CACNA1B: variants seen among roughly 807,000 people sequenced by gnomAD.
The protein encoded by CACNA1B is calcium voltage-gated channel subunit alpha1 B.
Under a neutral mutation model 247.2 loss-of-function variants are expected in CACNA1B, and 70 were observed. That is an observed-to-expected ratio of 0.28 (90% CI 0.23 to 0.35). The LOEUF (loss-of-function observed/expected upper bound fraction) is 0.35, where lower values mean the gene tolerates loss of function less well. Among genes scored for constraint, CACNA1B ranks in the 10% least tolerant of loss-of-function variants. CACNA1B has a pLI of 1.00. For synonymous variants in CACNA1B, 1,231 were observed against 1,294.4 expected, an observed-to-expected ratio of 0.95 and a Z score of 1.05; for missense variants, 2,367 against 3,197.4, an observed-to-expected ratio of 0.74 and a Z score of 6.26.
intron 10 of CACNA1B, among the ~76,000 whole-genome samples, chr9:137,963,546 G>C (rs915573714): frequency 7.2e-5 from 11 of 152,116 alleles, no homozygotes; most frequent in African/African-American, 2.4e-4. Context: ...ACAGGCATGT[G>C]CCACCACACC....
At chr9:137,886,728 G>A (rs1405771384) in intron 3 of CACNA1B, among the ~76,000 whole-genome samples, 1 of 151,412 alleles carries the variant, frequency 6.6e-6, no homozygotes, top group East Asian at 2.0e-4. Context: ...ACGGATGAGT[G>A]GATGGTGATG....
chr9:137,899,880 C>T lies in CACNA1B; in HGVS notation c.531-13300C>T, dbSNP rs1052358794. On this transcript the variant is annotated intron_variant, in intron 3 of 46. Transcript: ENST00000371372. The surrounding 1 kb of genome is among the most constrained non-coding windows in gnomAD (Gnocchi z 5.0). The stretch of plus-strand genomic sequence containing the variant: ...GGATTTGTGGTCTCCCCTGGCTCAG[C>T]GCAGACCCTCTGAGGGGCTGGTCCA... Among the ~76,000 whole-genome samples, 1 of 152,190 alleles carries T rather than the reference C, an allele frequency of 6.6e-6. No individual in the cohort carries two copies. Among genetic ancestry groups the T allele is most frequent in the African/African-American group, 2.4e-5 (1 of 41,444 alleles).
Position 137,971,422 on chromosome 9 carries a change from CAGAG to C in CACNA1B, c.1376_1379del (p.Glu459AlafsTer20). On this transcript the variant is annotated frameshift_variant, in exon 11 of 47. Transcript: ENST00000371372. LOFTEE classifies it high-confidence loss of function. This position sits in a 1 kb window ranked among gnomAD's most constrained non-coding sequence, Gnocchi z 4.4. ...CGCGCCAGCCTCAAGAGCGGGAAGACAGAGAGCTCGTCATACTTCCGGAGGAAGG... is the reference window on the plus strand; with the variant it reads ...CGCGCCAGCCTCAAGAGCGGGAAGACAGCTCGTCATACTTCCGGAGGAAGG... 2 of 1,613,498 alleles carry C rather than the reference CAGAG, an allele frequency of 1.2e-6. No individual in the cohort carries two copies. Among genetic ancestry groups the C allele is most frequent in the Non-Finnish European group, 1.7e-6 (2 of 1,179,684 alleles).
At position 137,891,167 on chromosome 9, in the gene CACNA1B, G is replaced by A. The variant is rs1309945169; in HGVS notation, c.530+8284G>A. ...TGTTGGGCTGATGGAGCACAGCCAG[G>A]GATCTGAGATGGGCTCTAAACTTGC... On this transcript the variant is annotated intron_variant, in intron 3 of 46. Transcript: ENST00000371372. The surrounding 1 kb of genome is among the most constrained non-coding windows in gnomAD (Gnocchi z 4.3). 6.6e-6 allele frequency: 1 copy of A among 152,278 alleles called. No homozygotes were observed. Among genetic ancestry groups the A allele is most frequent in the Non-Finnish European group, 1.5e-5 (1 of 68,076 alleles). The allele number at this position is 152,278 out of a possible 1,614,324, so 9.4% of individuals were successfully genotyped here. A position where few individuals can be genotyped will look rare whatever the true frequency, so the allele number is the denominator to read the frequency against.
chr9:138,060,586 G>A (rs181102865), intron 31 of CACNA1B, among the ~76,000 whole-genome samples: 98 of 152,318 alleles, frequency 6.4e-4, no homozygotes, highest in African/African-American at 2.2e-3. Flanking sequence ...CCCTCCGCAC[G>A]GCATTAGGCT....
intron 6 of CACNA1B, among the ~76,000 whole-genome samples, chr9:137,948,174 T>A (rs1252003438): frequency 2.0e-5 from 3 of 152,030 alleles, no homozygotes; most frequent in Admixed American, 2.0e-4. Flanking sequence ...AGAGACAGGG[T>A]TTCGCCATGT....
intron 9 of CACNA1B, 65 bp downstream of exon 9, chr9:137,956,892 C>G: frequency 7.5e-7 from 1 of 1,337,996 alleles, no homozygotes; most frequent in Non-Finnish European, 1.1e-6. Flanking sequence ...GGTGGTGACA[C>G]GTGCCTGCTT....
chr9:137,893,422 G>A (rs1223670719), intron 3 of CACNA1B, among the ~76,000 whole-genome samples: 1 of 150,116 alleles, frequency 6.7e-6, no homozygotes, highest in African/African-American at 2.4e-5. Context: ...AGGCTGAGGT[G>A]GGCAGATCAC....
chr9:138,115,762 A>G (rs1463449171), intron 42 of CACNA1B, 83 bp downstream of exon 42: 10 of 1,408,806 alleles, frequency 7.1e-6, no homozygotes, highest in African/African-American at 5.7e-5. Flanking sequence ...CATTTCCTCA[A>G]CCTCCCTGGC....
At chr9:137,884,784 G>GAGGC (rs1170180794) in intron 3 of CACNA1B, among the ~76,000 whole-genome samples, 3 of 152,004 alleles carry the variant, frequency 2.0e-5, no homozygotes, top group African/African-American at 7.3e-5. Context: ...GCCAGGAGAG[G>GAGGC]AGGCAGGAGG....
chr9:138,063,485 C>T (rs1027385863), intron 31 of CACNA1B, among the ~76,000 whole-genome samples: 3 of 152,142 alleles, frequency 2.0e-5, no homozygotes, highest in Non-Finnish European at 4.4e-5. Context: ...CAAAGTGAGT[C>T]CCTGTCTCTA....
At chr9:137,988,237 C>T (rs900595723) in intron 15 of CACNA1B, among the ~76,000 whole-genome samples, 2 of 152,178 alleles carry the variant, frequency 1.3e-5, no homozygotes, top group African/African-American at 2.4e-5. Flanking sequence ...GAATGTCAGG[C>T]AAGGGAAACT....
rs1276218522 is a variant in CACNA1B, at chr9:138,057,851, C to T, written c.4088C>T (p.Thr1363Met). 1.9e-6 allele frequency: 3 copies of T among 1,605,212 alleles called. No individual in the cohort carries two copies. The highest frequency in any genetic ancestry group is 2.6e-6 in the Non-Finnish European group (3 of 1,172,860). The change falls in exon 27 of 47, where the codon ACG becomes ATG. Residue 1363 changes from threonine (T) to methionine (M), a missense_variant. Physicochemically the swap from Thr to Met is moderately conservative, Grantham distance 81 (BLOSUM62 -1). Around this residue, in one of 12 missense-constraint regions of CACNA1B, gnomAD observed 436 missense variants for 679.5 expected, o/e 0.64. Transcript: ENST00000371372. This position sits in a 1 kb window ranked among gnomAD's most constrained non-coding sequence, Gnocchi z 4.0. ...CTGCTGACGCTGTTCACAGTGTCCA[C>T]GGGAGAAGGCTGGCCCATGTGAGTG... ...WALLTLFTVS[T>M]GEGWPMVLKH...
intron 6 of CACNA1B, among the ~76,000 whole-genome samples, chr9:137,927,227 G>A (rs1044096042): frequency 6.9e-6 from 1 of 144,156 alleles, no homozygotes; most frequent in African/African-American, 2.6e-5. Flanking sequence ...TGTTAGATAA[G>A]GATCCAGCTT....
Position 137,952,409 on chromosome 9 carries a change from C to A in CACNA1B, c.1070+32C>A, listed in dbSNP as rs1312266612. 1.9e-6 allele frequency: 3 copies of A among 1,569,698 alleles called. No homozygotes were observed. The African/African-American group carries it at 4.1e-5, about 21-fold the overall frequency. The stretch of plus-strand genomic sequence containing the variant: ...GACCATGTGGGGGATGTGCAGGTGC[C>A]CCTCTGTGTTCTCAGCTGAGGGGTC... On this transcript the variant is annotated intron_variant, in intron 7 of 46. Coordinates refer to ENST00000371372, the MANE Select transcript of CACNA1B (RefSeq NM_000718.4). The surrounding 1 kb of genome is among the most constrained non-coding windows in gnomAD (Gnocchi z 4.8).
In CACNA1B at chr9:137,917,479, T is replaced by G; in HGVS notation, c.966+48T>G. ...GCCTGAGGGCAGGCCCTGGACCTCC[T>G]GAGCTGGTGCCTCTGGGGGTCCATT... On this transcript the variant is annotated intron_variant, in intron 6 of 46. Coordinates refer to ENST00000371372, the MANE Select transcript of CACNA1B (RefSeq NM_000718.4). This position sits in a 1 kb window ranked among gnomAD's most constrained non-coding sequence, Gnocchi z 5.5. 1 of 1,536,326 alleles carries G rather than the reference T, an allele frequency of 6.5e-7. No homozygotes were observed. Among genetic ancestry groups the G allele is most frequent in the Non-Finnish European group, 8.9e-7 (1 of 1,120,176 alleles).
intron 36 of CACNA1B, among the ~76,000 whole-genome samples, chr9:138,087,420 A>G (rs892744875): frequency 6.9e-5 from 10 of 145,334 alleles, no homozygotes; most frequent in African/African-American, 2.6e-4. Flanking sequence ...GAAAAAAAAG[A>G]AAAGAGAAAA....
Position 138,023,531 on chromosome 9 carries a change from C to A in CACNA1B, c.2788C>A (p.Arg930=). 9.3e-7 allele frequency: 1 copy of A among 1,078,154 alleles called. No individual in the cohort carries two copies. Among genetic ancestry groups the A allele is most frequent in the Non-Finnish European group, 1.1e-6 (1 of 889,058 alleles). 66.8% of individuals were successfully genotyped at this position (1,078,154 alleles called of 1,614,324 possible). A position where few individuals can be genotyped will look rare whatever the true frequency, so the allele number is the denominator to read the frequency against. The change falls in exon 19 of 47, where the codon CGG becomes AGG. Residue 930 remains arginine, a synonymous_variant. Transcript: ENST00000371372. ...RRGSPEEAAE[R]EPRRHRAHRH... ...CGGCTCCCCGGAGGAGGCGGCCGAGCGGGAGCCCCGACGCCACCGCGCGCA... is the reference window on the plus strand; with the variant it reads ...CGGCTCCCCGGAGGAGGCGGCCGAGAGGGAGCCCCGACGCCACCGCGCGCA...
intron 6 of CACNA1B, among the ~76,000 whole-genome samples, chr9:137,934,614 C>T (rs1021556724): frequency 6.6e-6 from 1 of 152,212 alleles, no homozygotes; most frequent in Non-Finnish European, 1.5e-5. Flanking sequence ...CTGGTATCCA[C>T]AGCTGAGAGA....
Sources: gnomAD v4.1 joint callset for allele counts (sites outside exome capture counted in the v4.1 genomes callset) on GRCh38, gnomAD v4.1.1 for gene constraint, gnomAD v4.1.1 regional missense constraint, Gnocchi (gnomAD v3.1) non-coding constraint, MANE v1.5 for transcripts, NCBI Gene and HGNC (gene_info 2026-07-23, HGNC 2026-07-21) for gene names.